The following NCKAP1 variants were observed in gnomAD, a reference collection of about 807,000 sequenced individuals.
NCKAP1 encodes nck-associated protein 1.
A neutral mutation model predicts 151.2 loss-of-function variants in NCKAP1; 21 were observed. The ratio of observed to expected loss-of-function variants is 0.14; its 90% CI spans 0.10 to 0.20. The LOEUF is 0.20. Among genes scored for constraint, NCKAP1 ranks in the 10% least tolerant of loss-of-function variants. The probability of loss-of-function intolerance (pLI) is 1.00; values close to 1 mark genes in which losing one functional copy is unlikely to be tolerated. For synonymous variants in NCKAP1, 484 were observed against 451.8 expected (o/e 1.07, Z -0.90); for missense variants, 933 against 1,352.1 (o/e 0.69, Z 4.86).
At chr2:182,967,958 T>C (rs1697608582) in intron 15 of NCKAP1, among the ~76,000 whole-genome samples, 1 of 152,058 alleles carries the variant, frequency 6.6e-6, no homozygotes, top group African/African-American at 2.4e-5. Flanking sequence ...AAAAAGCAGA[T>C]CATGTCCATG....
chr2:182,988,971 A>G (rs1698111709), intron 9 of NCKAP1, 59 bp downstream of exon 9: 10 of 1,473,244 alleles, frequency 6.8e-6, no homozygotes, highest in African/African-American at 1.4e-5. Context: ...AAACTTCAGT[A>G]AAGATAACTC....
intron 20 of NCKAP1, among the ~76,000 whole-genome samples, chr2:182,954,510 T>C (rs1396203171): frequency 1.3e-5 from 2 of 152,300 alleles, no homozygotes; most frequent in African/African-American, 4.8e-5. Flanking sequence ...AAAACTGCTA[T>C]CCTAGTGTAT....
rs1029165842 is a variant in NCKAP1, at chr2:182,983,433, T to C, written c.1005-51A>G. The C allele has an allele frequency of 3.7e-6, 5 of 1,363,890 alleles. No homozygotes were observed. In the African/African-American group the frequency reaches 4.4e-5, roughly 12 times the overall value. 84.5% of individuals were successfully genotyped at this position (1,363,890 alleles called of 1,614,324 possible). A position where few individuals can be genotyped will look rare whatever the true frequency, so the allele number is the denominator to read the frequency against. ...TTATCTGCTTCTACTAAAATTATTA[T>C]TGGCAATTAAAGTAACTAGCATTAT... On this transcript the variant is annotated intron_variant, in intron 10 of 30. Coordinates refer to ENST00000361354, the MANE Select transcript of NCKAP1 (RefSeq NM_013436.5).
At chr2:183,030,405 T>C (rs1698982396) in intron 1 of NCKAP1, among the ~76,000 whole-genome samples, 1 of 152,198 alleles carries the variant, frequency 6.6e-6, no homozygotes, top group African/African-American at 2.4e-5. Context: ...GAACAATTAT[T>C]TTCTAGTACA....
chr2:182,934,027 T>C (rs1449660090), intron 26 of NCKAP1, among the ~76,000 whole-genome samples: 1 of 152,114 alleles, frequency 6.6e-6, no homozygotes, highest in Non-Finnish European at 1.5e-5. Flanking sequence ...ATACTAAAAA[T>C]CTTTTTAAAA....
chr2:182,972,945 A>C (rs1697730438), intron 15 of NCKAP1, among the ~76,000 whole-genome samples: 1 of 152,168 alleles, frequency 6.6e-6, no homozygotes, highest in Non-Finnish European at 1.5e-5. Context: ...ATGGGTACAA[A>C]AGTACAGTTA....
intron 16 of NCKAP1, among the ~76,000 whole-genome samples, chr2:182,965,255 G>T (rs1441375323): frequency 8.9e-6 from 1 of 112,052 alleles, no homozygotes; most frequent in African/African-American, 3.5e-5. Context: ...AAAAAAGAGA[G>T]AAATATTTTA....
At chr2:182,929,231 A>G (rs1285797101) in intron 27 of NCKAP1, among the ~76,000 whole-genome samples, 1 of 151,996 alleles carries the variant, frequency 6.6e-6, no homozygotes, top group East Asian at 1.9e-4. Context: ...ACAATTTCCT[A>G]ATTGAAAACT....
chr2:182,972,418 A>C (rs1273048276), intron 15 of NCKAP1, among the ~76,000 whole-genome samples: 1 of 152,114 alleles, frequency 6.6e-6, no homozygotes, highest in Non-Finnish European at 1.5e-5. Flanking sequence ...AAAAAACAGA[A>C]AATAAATGCT....
rs572703298 is a variant in NCKAP1, at chr2:182,919,332, A to C, written c.*6370T>G. ...ACTGACATTCAGCATTAACCTGTAA[A>C]GTTGTGTACTACCTGCTCCTCAGCT... On this transcript the variant is annotated 3_prime_UTR_variant, in exon 31 of 31. Transcript: ENST00000361354. 6.6e-6 allele frequency: 1 copy of C among 152,310 alleles called. No homozygotes were observed. The highest frequency in any genetic ancestry group is 2.1e-4 in the South Asian group (1 of 4,824). The allele number at this position is 152,310 out of a possible 1,614,324, so 9.4% of individuals were successfully genotyped here. A position where few individuals can be genotyped will look rare whatever the true frequency, so the allele number is the denominator to read the frequency against.
chr2:182,985,931 C>T (rs1466444307), intron 10 of NCKAP1, among the ~76,000 whole-genome samples: 2 of 151,986 alleles, frequency 1.3e-5, no homozygotes, highest in Non-Finnish European at 2.9e-5. Flanking sequence ...AAGTAAGAGT[C>T]CTTTGTGTGA....
At chr2:182,999,369 C>A (rs981212739) in intron 6 of NCKAP1, among the ~76,000 whole-genome samples, 1 of 152,010 alleles carries the variant, frequency 6.6e-6, no homozygotes, top group Non-Finnish European at 1.5e-5. Flanking sequence ...ATACATATAA[C>A]CACCCAACAA....
At position 182,912,802 on chromosome 2, in the gene NCKAP1, G is replaced by C. The variant is rs369939062; in HGVS notation, c.*12900C>G. 1.6e-5 allele frequency: 2 copies of C among 127,016 alleles called. No homozygotes were observed. Among genetic ancestry groups the C allele is most frequent in the East Asian group, 2.5e-4 (1 of 4,046 alleles). 7.9% of individuals were successfully genotyped at this position (127,016 alleles called of 1,614,324 possible). Reference sequence around the variant, plus strand: ...GCACCAAATTAAAATATGTGCACTAGCACAATACTATAGACAGATCTCAAA... The same window carrying C: ...GCACCAAATTAAAATATGTGCACTACCACAATACTATAGACAGATCTCAAA... On this transcript the variant is annotated 3_prime_UTR_variant, in exon 31 of 31. Transcript: ENST00000361354.
At chr2:183,009,070 A>G (rs1169483118) in intron 2 of NCKAP1, among the ~76,000 whole-genome samples, 6 of 152,114 alleles carry the variant, frequency 3.9e-5, no homozygotes, top group Non-Finnish European at 4.4e-5. Context: ...TGTAGTAAAT[A>G]TATTTTAGGA....
At chr2:183,011,541 T>C (rs1042701897) in intron 2 of NCKAP1, among the ~76,000 whole-genome samples, 1 of 152,334 alleles carries the variant, frequency 6.6e-6, no homozygotes, top group Admixed American at 6.5e-5. Flanking sequence ...TCAGACAATA[T>C]GCAGCTTTTT....
At chr2:182,982,741 G>T in intron 12 of NCKAP1, 80 bp downstream of exon 12, 1 of 835,208 alleles carries the variant, frequency 1.2e-6, no homozygotes, top group Non-Finnish European at 1.8e-6. Context: ...ACTTACAATA[G>T]GTCTATCAGG....
In NCKAP1 at chr2:182,934,152, T is replaced by C. The variant is rs1696823326; in HGVS notation, c.2859+600A>G. On this transcript the variant is annotated intron_variant, in intron 26 of 30. Transcript: ENST00000361354. ...TTTCATTGCTTCATCTTTCTTTTTT[T>C]TTTGAGACGGAGTCTCATTCTGTTG... Among the ~76,000 whole-genome samples the C allele has an allele frequency of 3.9e-5, 6 of 152,284 alleles. No homozygotes were observed. In the South Asian group the frequency reaches 1.2e-3, roughly 32 times the overall value.
chr2:182,946,548 C>T (rs765384160), intron 23 of NCKAP1, among the ~76,000 whole-genome samples: 1 of 151,420 alleles, frequency 6.6e-6, no homozygotes, highest in Non-Finnish European at 1.5e-5. Context: ...ACATGTCATT[C>T]GCCCATATAA....
chr2:182,950,955 C>T (rs1003759750), intron 23 of NCKAP1, among the ~76,000 whole-genome samples: 2 of 152,034 alleles, frequency 1.3e-5, no homozygotes, highest in African/African-American at 4.8e-5. Context: ...GCCTCAGCCT[C>T]CCTAGTAGCT....
Sources: allele counts gnomAD v4.1 joint callset (sites outside exome capture counted in the v4.1 genomes callset), GRCh38; gene constraint gnomAD v4.1.1; transcripts MANE v1.5; gene names NCBI Gene and HGNC (gene_info 2026-07-23, HGNC 2026-07-21).